DNPEP: variants seen among roughly 807,000 people sequenced by gnomAD.
DNPEP encodes aspartyl aminopeptidase.
A neutral mutation model predicts 59.1 loss-of-function variants in DNPEP; 46 were observed. The observed-to-expected ratio is 0.78, with a 90% confidence interval of 0.61 to 0.99. DNPEP has a LOEUF of 0.99. Among genes scored for constraint, DNPEP ranks in the 50% least tolerant of loss-of-function variants. The pLI is 0.00. For synonymous variants in DNPEP, 229 were observed against 242.2 expected, an observed-to-expected ratio of 0.95 and a Z score of 0.50; for missense variants, 617 against 649.9, an observed-to-expected ratio of 0.95 and a Z score of 0.55.
intron 1 of DNPEP, among the ~76,000 whole-genome samples, chr2:219,397,076 T>C (rs894088956): frequency 6.6e-6 from 1 of 152,214 alleles, no homozygotes; most frequent in Non-Finnish European, 1.5e-5. Context: ...TGCTCTTGTA[T>C]AGTTAGTGAC....
intron 14 of DNPEP, among the ~76,000 whole-genome samples, chr2:219,374,600 G>A (rs3821040): frequency 0.77 from 116,702 of 152,110 alleles, 46,445 homozygotes; most frequent in Non-Finnish European, 0.87. Context: ...GTAGAGACAT[G>A]GACTTGCCAT....
Position 219,384,425 on chromosome 2 carries a change from C to T in DNPEP, c.793G>A (p.Asp265Asn), listed in dbSNP as rs200396385. 4 of 1,611,540 alleles carry T rather than the reference C, an allele frequency of 2.5e-6. No homozygotes were observed. In the East Asian group the frequency reaches 9.0e-5, roughly 36 times the overall value. ...AGCCGAGGAGCAAAGATGAACTCAT[C>T]ATAGGCACCACCCAAGACCTAGAGA... ...TQPAVLGGAY[D>N]EFIFAPRLDN... Residue 265 changes from aspartate (D) to asparagine (N), a missense_variant, in exon 9 of 15, where the codon GAT becomes AAT. By Grantham distance (23) the Asp-to-Asn change is conservative. Coordinates refer to ENST00000273075, the MANE Select transcript of DNPEP (RefSeq NM_012100.4).
chr2:219,387,167 G>A lies in DNPEP; in HGVS notation c.37-4C>T, dbSNP rs755675146. ...GGGCCTTACCGTTCATGGCCACCTAGGGGAGGGGGATGCTCAGACTTTTAC... is the reference window on the plus strand; with the variant it reads ...GGGCCTTACCGTTCATGGCCACCTAAGGGAGGGGGATGCTCAGACTTTTAC... On this transcript the variant is annotated splice_polypyrimidine_tract_variant and splice_region_variant and intron_variant, in intron 1 of 14. Transcript: ENST00000273075. The A allele has an allele frequency of 3.9e-6, 6 of 1,554,618 alleles. No individual in the cohort carries two copies. The East Asian group carries it at 9.7e-5, about 25-fold the overall frequency.
In DNPEP at chr2:219,381,439, G is replaced by A. The variant is rs113192986; in HGVS notation, c.1138-3C>T. 32 of 1,614,180 alleles carry A rather than the reference G, an allele frequency of 2.0e-5. 1 individual carries two copies. The African/African-American group carries it at 2.0e-4, about 10-fold the overall frequency. ...CTGTTCACCTTGATCACGGGGCCCT[G>A]GGGAGAGTCAAGGTGAGGCAGAGGT... On this transcript the variant is annotated splice_region_variant and splice_polypyrimidine_tract_variant and intron_variant, in intron 12 of 14. Transcript: ENST00000273075.
chr2:219,397,346 A>G (rs2125154797), intron 1 of DNPEP, among the ~76,000 whole-genome samples: 1 of 151,132 alleles, frequency 6.6e-6, no homozygotes, highest in Non-Finnish European at 1.5e-5. Flanking sequence ...TCTTCCAGAG[A>G]GCTAATTGGT....
At chr2:219,394,691 A>G (rs1050594816) in intron 1 of DNPEP, among the ~76,000 whole-genome samples, 2 of 152,166 alleles carry the variant, frequency 1.3e-5, no homozygotes, top group Non-Finnish European at 2.9e-5. Context: ...TACCCTGACA[A>G]TTGTCAAATT....
intron 1 of DNPEP, among the ~76,000 whole-genome samples, chr2:219,396,362 C>T (rs943173887): frequency 1.1e-4 from 17 of 152,048 alleles, no homozygotes; most frequent in Admixed American, 5.9e-4. Context: ...CCAAGGCAGG[C>T]GGATCACTTG....
chr2:219,374,635 C>T (rs935333705), intron 14 of DNPEP, among the ~76,000 whole-genome samples: 2 of 152,134 alleles, frequency 1.3e-5, no homozygotes, highest in African/African-American at 4.8e-5. Context: ...TCTCAAACTC[C>T]TGGCCTCAAG....
chr2:219,376,566 G>C (rs1401230884), intron 13 of DNPEP, among the ~76,000 whole-genome samples: 1 of 151,858 alleles, frequency 6.6e-6, no homozygotes, highest in African/African-American at 2.4e-5. Flanking sequence ...ATTTCACCTT[G>C]AAAAGTGGAT....
Position 219,381,406 on chromosome 2 carries a change from G to T in DNPEP, c.1168C>A (p.Arg390Ser). ...GPVIKVNSKQ[R>S]YASNAVSEAL... ...TCTGACACCGCGTTTGAAGCATAGC[G>T]TTGCTTGCTGTTCACCTTGATCACG... Residue 390 changes from arginine (R) to serine (S), a missense_variant, in exon 13 of 15, where the codon CGC becomes AGC. Arg to Ser is a moderately radical substitution (Grantham distance 110). Coordinates refer to ENST00000273075, the MANE Select transcript of DNPEP (RefSeq NM_012100.4). The T allele has an allele frequency of 5.0e-6, 8 of 1,614,202 alleles. No homozygotes were observed. The highest frequency in any genetic ancestry group is 6.8e-6 in the Non-Finnish European group (8 of 1,180,034).
chr2:219,394,070 CCA>C (rs1954058921), intron 1 of DNPEP, among the ~76,000 whole-genome samples: 1 of 152,196 alleles, frequency 6.6e-6, no homozygotes, highest in African/African-American at 2.4e-5. Context: ...CAGTCTCCCT[CCA>C]GCAGTGGCCT....
intron 1 of DNPEP, among the ~76,000 whole-genome samples, chr2:219,395,477 A>G (rs1954081855): frequency 2.6e-5 from 4 of 152,072 alleles, no homozygotes; most frequent in African/African-American, 9.7e-5. Flanking sequence ...ATAGATGAGG[A>G]TCTCTAGGTT....
At position 219,374,927 on chromosome 2, in the gene DNPEP, G is replaced by A; in HGVS notation, c.1335C>T (p.Pro445=). Residue 445 remains proline, a synonymous_variant, in exon 14 of 15, where the codon CCC becomes CCT. Coordinates refer to ENST00000273075, the MANE Select transcript of DNPEP (RefSeq NM_012100.4). Reference sequence around the variant, plus strand: ...CCCGGATAGAGTGCATGGCCAGTTGGGGGCTGCCTAAATCCAGCACCCGCA... The same window carrying A: ...CCCGGATAGAGTGCATGGCCAGTTGAGGGCTGCCTAAATCCAGCACCCGCA... The part of the protein sequence containing the change: ...LGLRVLDLGS[P]QLAMHSIREM... 1 of 1,614,166 alleles carries A rather than the reference G, an allele frequency of 6.2e-7. No homozygotes were observed. The highest frequency in any genetic ancestry group is 8.5e-7 in the Non-Finnish European group (1 of 1,180,032).
intron 5 of DNPEP, 87 bp from the exon 6 acceptor site, chr2:219,386,185 T>C (rs1953821328): frequency 2.2e-5 from 36 of 1,608,818 alleles, no homozygotes; most frequent in Non-Finnish European, 3.0e-5. Context: ...AGGGTGGTCC[T>C]CTGACCAGAC....
At position 219,372,662 on chromosome 2, in the gene DNPEP, T is replaced by C. The variant is rs532505592; in HGVS notation, c.*1630A>G. On this transcript the variant is annotated 3_prime_UTR_variant, in exon 15 of 15. Transcript: ENST00000273075. ...GATTACAGGCATAAGCCACCGTGCC[T>C]GGCCATATAATGTTTTGAAGGTACT... Among the ~76,000 whole-genome samples, 3 of 152,260 alleles carry C rather than the reference T, an allele frequency of 2.0e-5. No individual in the cohort carries two copies. In the East Asian group the frequency reaches 5.8e-4, roughly 29 times the overall value.
At chr2:219,399,389 G>C in intron 1 of DNPEP, 1 of 456,294 alleles carries the variant, frequency 2.2e-6, no homozygotes, top group Non-Finnish European at 4.4e-6. Flanking sequence ...AGTGTTTAGG[G>C]TGCGAATCCC....
intron 1 of DNPEP, among the ~76,000 whole-genome samples, chr2:219,397,935 A>G (rs887903280): frequency 6.6e-6 from 1 of 151,896 alleles, no homozygotes; most frequent in African/African-American, 2.4e-5. Flanking sequence ...GAGTTTCAGT[A>G]TGTTGCCCGC....
At chr2:219,392,168 C>T (rs1030692364), upstream of DNPEP, among the ~76,000 whole-genome samples, 18 of 152,140 alleles carry the variant, frequency 1.2e-4, no homozygotes, top group Admixed American at 2.0e-4. Flanking sequence ...TTCTGAGAAT[C>T]GTTCTTGCCC....
chr2:219,399,938 ACCT>A lies in DNPEP; in HGVS notation c.-159_-158+1del. The A allele has an allele frequency of 1.3e-6, 2 of 1,549,694 alleles. No individual in the cohort carries two copies. Among genetic ancestry groups the A allele is most frequent in the Non-Finnish European group, 1.7e-6 (2 of 1,146,382 alleles). On this transcript the variant is annotated splice_donor_variant and 5_prime_UTR_variant, in exon 1 of 7. Coordinates refer to the DNPEP transcript ENST00000434339. LOFTEE classifies it low-confidence loss of function (5UTR_SPLICE). ...GGCTCCGAGCCATGGTGACCTGCTCACCTCCTCCCAAGGCTGGAGTGGACAGGC... is the reference window on the plus strand; with the variant it reads ...GGCTCCGAGCCATGGTGACCTGCTCACCTCCCAAGGCTGGAGTGGACAGGC...
Sources: gnomAD v4.1 joint callset for allele counts (sites outside exome capture counted in the v4.1 genomes callset) on GRCh38, gnomAD v4.1.1 for gene constraint, MANE v1.5 for transcripts, NCBI Gene and HGNC (gene_info 2026-07-23, HGNC 2026-07-21) for gene names.